Variants in CACNA2D3 observed in about 807,000 individuals in gnomAD.
CACNA2D3 encodes the protein calcium voltage-gated channel auxiliary subunit alpha2delta 3.
A neutral mutation model predicts 160.6 loss-of-function variants in CACNA2D3; 60 were observed. That is an observed-to-expected ratio of 0.37 (90% CI 0.30 to 0.46). The LOEUF is 0.46. Ranked by LOEUF, CACNA2D3 falls within the 20% of genes least tolerant of loss-of-function variation. The pLI is 1.00. For missense variants in CACNA2D3, 1,205 were observed against 1,365.0 expected, an observed-to-expected ratio of 0.88 and a Z score of 1.85; for synonymous variants, 558 against 492.9, an observed-to-expected ratio of 1.13 and a Z score of -1.75.
chr3:54,585,208 A>G (rs1471938761), intron 9 of CACNA2D3, among the ~76,000 whole-genome samples: 1 of 152,212 alleles, frequency 6.6e-6, no homozygotes, highest in Non-Finnish European at 1.5e-5. Context: ...ATGTTTATGG[A>G]TGGAATACTT....
In CACNA2D3 at chr3:54,758,964, T is replaced by C. The variant is rs181026659; in HGVS notation, c.1247-5254T>C. On this transcript the variant is annotated intron_variant, in intron 12 of 37. Transcript: ENST00000474759. ...GATCTGGTCATTGCAAAGTGGAGTA[T>C]TTAATGATTCACCACAGGAGCTTCT... Among the ~76,000 whole-genome samples the C allele has an allele frequency of 2.3e-3, 347 of 152,354 alleles. 1 individual carries two copies. The highest frequency in any genetic ancestry group is 3.9e-3 in the Non-Finnish European group (262 of 68,042).
At chr3:54,845,756 C>T (rs769040504) in intron 16 of CACNA2D3, among the ~76,000 whole-genome samples, 8 of 152,150 alleles carry the variant, frequency 5.3e-5, no homozygotes, top group South Asian at 2.1e-4. Flanking sequence ...AGTGAGGCTC[C>T]GCATAGAAAA....
Position 54,249,781 on chromosome 3 carries a change from G to A in CACNA2D3, c.205-70661G>A, listed in dbSNP as rs539196843. On this transcript the variant is annotated intron_variant, in intron 2 of 37. Transcript: ENST00000474759. ...AAAATTATGTTTTTTTTTTTTTTAT[G>A]TGAGTGGGACTATTTCTTTTTTTGT... Among the ~76,000 whole-genome samples the A allele has an allele frequency of 4.7e-4, 69 of 147,648 alleles. 1 individual carries two copies. Among genetic ancestry groups the A allele is most frequent in the African/African-American group, 1.6e-3 (64 of 39,828 alleles).
At chr3:54,684,253 C>T (rs186796293) in intron 11 of CACNA2D3, among the ~76,000 whole-genome samples, 1 of 152,258 alleles carries the variant, frequency 6.6e-6, no homozygotes, top group East Asian at 1.9e-4. Context: ...AGCCACCACG[C>T]CTGGCCAAAA....
intron 11 of CACNA2D3, among the ~76,000 whole-genome samples, chr3:54,644,171 A>C (rs1267143789): frequency 6.6e-6 from 1 of 152,050 alleles, no homozygotes; most frequent in African/African-American, 2.4e-5. Context: ...ACAAAACACA[A>C]ATTTCAGTGT....
chr3:54,315,298 C>T (rs1703835102), intron 2 of CACNA2D3, among the ~76,000 whole-genome samples: 1 of 152,168 alleles, frequency 6.6e-6, no homozygotes. Context: ...AAGCTCACCC[C>T]GCAGAGGCCC....
At chr3:54,634,205 A>G (rs1206272264) in intron 10 of CACNA2D3, among the ~76,000 whole-genome samples, 2 of 152,186 alleles carry the variant, frequency 1.3e-5, no homozygotes, top group Admixed American at 6.5e-5. Context: ...CCCCAGTGTC[A>G]TGGTTCAATA....
At chr3:54,776,368 A>C (rs759308414) in intron 13 of CACNA2D3, among the ~76,000 whole-genome samples, 8 of 152,158 alleles carry the variant, frequency 5.3e-5, no homozygotes, top group Non-Finnish European at 1.2e-4. Flanking sequence ...TGAAGAAATC[A>C]GCCAGGCACA....
chr3:54,818,347 A>G (rs1011877994), intron 14 of CACNA2D3, among the ~76,000 whole-genome samples: 1 of 152,054 alleles, frequency 6.6e-6, no homozygotes, highest in African/African-American at 2.4e-5. Flanking sequence ...CACCTGGCTT[A>G]TTTTTGTATT....
chr3:54,615,095 A>G (rs1489411454), intron 9 of CACNA2D3, among the ~76,000 whole-genome samples: 1 of 152,246 alleles, frequency 6.6e-6, no homozygotes. Context: ...AGCTGACTTA[A>G]CAGTGCAAAA....
At chr3:54,537,302 T>G (rs1432345617) in intron 5 of CACNA2D3, among the ~76,000 whole-genome samples, 1 of 152,120 alleles carries the variant, frequency 6.6e-6, no homozygotes, top group Non-Finnish European at 1.5e-5. Context: ...GCAAGTGGGC[T>G]CTGGACTAGA....
At chr3:54,704,643 G>A (rs895317112) in intron 11 of CACNA2D3, among the ~76,000 whole-genome samples, 10 of 152,150 alleles carry the variant, frequency 6.6e-5, no homozygotes, top group Admixed American at 6.5e-5. Flanking sequence ...GCTGTACGGG[G>A]GTGGAATCCC....
chr3:55,029,572 G>A (rs1032151982), intron 35 of CACNA2D3, among the ~76,000 whole-genome samples: 5 of 146,152 alleles, frequency 3.4e-5, no homozygotes, highest in Non-Finnish European at 7.6e-5. Flanking sequence ...TAGATGGTGA[G>A]GTTTTTTTTG....
intron 5 of CACNA2D3, among the ~76,000 whole-genome samples, chr3:54,512,882 G>A (rs1701481624): frequency 6.6e-6 from 1 of 152,162 alleles, no homozygotes; most frequent in South Asian, 2.1e-4. Context: ...CACATGGCTG[G>A]GGAGGCCTCA....
intron 13 of CACNA2D3, among the ~76,000 whole-genome samples, chr3:54,778,422 A>G (rs752006822): frequency 2.6e-5 from 4 of 151,078 alleles, no homozygotes; most frequent in Non-Finnish European, 4.4e-5. Context: ...TTCTCTCTGC[A>G]GGAAGTGATC....
At chr3:54,256,960 C>T (rs888050056) in intron 2 of CACNA2D3, among the ~76,000 whole-genome samples, 4 of 152,168 alleles carry the variant, frequency 2.6e-5, no homozygotes, top group African/African-American at 7.2e-5. Flanking sequence ...TATAAATCTG[C>T]GTTTGGCCCT....
chr3:54,667,620 T>C (rs887211581), intron 11 of CACNA2D3, among the ~76,000 whole-genome samples: 3 of 152,088 alleles, frequency 2.0e-5, no homozygotes, highest in Non-Finnish European at 4.4e-5. Flanking sequence ...TGTTGGAAAA[T>C]GGTGATGAAT....
intron 3 of CACNA2D3, among the ~76,000 whole-genome samples, chr3:54,349,034 T>G (rs1428212127): frequency 6.6e-6 from 1 of 152,236 alleles, no homozygotes; most frequent in Non-Finnish European, 1.5e-5. Context: ...GTCCGACTGT[T>G]ACTTTTTTGA....
intron 8 of CACNA2D3, among the ~76,000 whole-genome samples, chr3:54,575,677 G>A (rs1240629077): frequency 1.3e-5 from 2 of 152,148 alleles, no homozygotes; most frequent in African/African-American, 4.8e-5. Context: ...GTAGTTGGGG[G>A]GCTGGGTGTC....
Sources: allele counts gnomAD v4.1 joint callset (sites outside exome capture counted in the v4.1 genomes callset), GRCh38; gene constraint gnomAD v4.1.1; transcripts MANE v1.5; gene names NCBI Gene and HGNC (gene_info 2026-07-23, HGNC 2026-07-21).